ARRB1: variants seen among roughly 807,000 people sequenced by gnomAD.
The protein encoded by ARRB1 is beta-arrestin-1.
Under a neutral mutation model 56.8 loss-of-function variants are expected in ARRB1, and 21 were observed. That is an observed-to-expected ratio of 0.37 (90% confidence interval 0.26 to 0.53). ARRB1 has a LOEUF of 0.53. Ranked by LOEUF, ARRB1 falls within the 20% of genes least tolerant of loss-of-function variation. The probability of loss-of-function intolerance (pLI) is 0.88; values close to 1 mark genes in which losing one functional copy is unlikely to be tolerated. For synonymous variants in ARRB1, 210 were observed against 218.6 expected (o/e 0.96, Z 0.35); for missense variants, 424 against 553.7 (o/e 0.77, Z 2.35).
At chr11:75,309,082 C>A (rs1034834527) in intron 1 of ARRB1, among the ~76,000 whole-genome samples, 1 of 152,380 alleles carries the variant, frequency 6.6e-6, no homozygotes, top group Non-Finnish European at 1.5e-5. Context: ...GCCCGCCTGG[C>A]GGCCCCAAAG....
chr11:75,276,280 C>T (rs1946199494), intron 10 of ARRB1, among the ~76,000 whole-genome samples: 2 of 152,172 alleles, frequency 1.3e-5, no homozygotes, highest in African/African-American at 4.8e-5. Context: ...AGATGTTTCA[C>T]TTCAGATCTC....
In ARRB1 at chr11:75,292,396, C is replaced by T. The variant is rs112578054; in HGVS notation, c.21-2357G>A. Among the ~76,000 whole-genome samples the T allele has an allele frequency of 9.4e-4, 143 of 152,308 alleles. 2 individuals are homozygous for T. Among genetic ancestry groups the T allele is most frequent in the African/African-American group, 3.4e-3 (140 of 41,576 alleles). On this transcript the variant is annotated intron_variant, in intron 1 of 15. Transcript: ENST00000420843. ...CTCAAGTGATCCTCCCACCTCCAGC[C>T]TCCCAAAGTGCTGGGATTACAGGCG...
At chr11:75,350,007 G>C (rs1364694003) in intron 1 of ARRB1, among the ~76,000 whole-genome samples, 1 of 152,240 alleles carries the variant, frequency 6.6e-6, no homozygotes, top group Non-Finnish European at 1.5e-5. Flanking sequence ...TAGCCCTCTG[G>C]TTCCTCTGCT....
At chr11:75,350,640 A>G (rs1947834365) in intron 1 of ARRB1, among the ~76,000 whole-genome samples, 1 of 152,230 alleles carries the variant, frequency 6.6e-6, no homozygotes, top group African/African-American at 2.4e-5. Flanking sequence ...ATTTCAGGAC[A>G]GGTTCTAGGA....
chr11:75,346,676 T>C (rs1462169135), intron 1 of ARRB1, among the ~76,000 whole-genome samples: 1 of 152,158 alleles, frequency 6.6e-6, no homozygotes, highest in Non-Finnish European at 1.5e-5. Flanking sequence ...TGTCCCTGCT[T>C]CTTTGGCTCC....
In ARRB1 at chr11:75,261,546, A is replaced by T. The variant is rs1591874208; in HGVS notation, c.*4617T>A. The T allele has an allele frequency of 6.6e-6, 1 of 152,218 alleles. No individual in the cohort carries two copies. Among genetic ancestry groups the T allele is most frequent in the African/African-American group, 2.4e-5 (1 of 41,432 alleles). The allele number at this position is 152,218 out of a possible 1,614,324, so 9.4% of individuals were successfully genotyped here. ...TGTGGAATATCAGGGGTTCCGCAGC[A>T]CCTGGTTTGAAAACCACTGTGTCAG... On this transcript the variant is annotated 3_prime_UTR_variant, in exon 16 of 16. Transcript: ENST00000420843.
chr11:75,329,088 C>CTTT (rs770989128), intron 1 of ARRB1, among the ~76,000 whole-genome samples: 3 of 103,656 alleles, frequency 2.9e-5, no homozygotes, highest in African/African-American at 7.5e-5. Context: ...TGCTGTGTAA[C>CTTT]TTTTTTTTTT....
chr11:75,319,409 C>T (rs1243928879), intron 1 of ARRB1, among the ~76,000 whole-genome samples: 2 of 152,220 alleles, frequency 1.3e-5, no homozygotes, highest in Non-Finnish European at 2.9e-5. Context: ...GTTCCTCACA[C>T]ATGTCCTAAG....
rs1224386686 is a variant in ARRB1, at chr11:75,261,645, GGGGA to G, written c.*4514_*4517del. Reference sequence around the variant, plus strand: ...GGGGTGACGAGTTGGAGTGTGATGGGGGGAGGATGTTTCCCCTTCAACAGGGCGT... The same window carrying G: ...GGGGTGACGAGTTGGAGTGTGATGGGGGATGTTTCCCCTTCAACAGGGCGT... On this transcript the variant is annotated 3_prime_UTR_variant, in exon 16 of 16. Coordinates refer to ENST00000420843, the MANE Select transcript of ARRB1 (RefSeq NM_004041.5). The G allele has an allele frequency of 3.9e-5, 6 of 152,346 alleles. No homozygotes were observed. The highest frequency in any genetic ancestry group is 2.0e-4 in the Admixed American group (3 of 15,296). 9.4% of individuals were successfully genotyped at this position (152,346 alleles called of 1,614,324 possible).
intron 3 of ARRB1, 107 bp from the exon 4 acceptor site, chr11:75,284,386 T>C: frequency 8.4e-7 from 1 of 1,185,730 alleles, no homozygotes; most frequent in South Asian, 1.9e-5. Context: ...TCATCTAAAA[T>C]CATCCTGAGA....
intron 15 of ARRB1, 33 bp from the exon 16 acceptor site, chr11:75,266,307 T>C (rs1945910841): frequency 1.3e-6 from 2 of 1,574,364 alleles, no homozygotes; most frequent in South Asian, 1.1e-5. Flanking sequence ...TGTGGTGTGT[T>C]TGCAGGGGCA....
At chr11:75,283,512 G>T in intron 4 of ARRB1, 29 bp from the exon 5 acceptor site, 1 of 1,565,912 alleles carries the variant, frequency 6.4e-7, no homozygotes, top group Non-Finnish European at 8.7e-7. Context: ...ACTGAGGAGG[G>T]GCCTGGGAGA....
intron 1 of ARRB1, among the ~76,000 whole-genome samples, chr11:75,304,732 C>G (rs1024913857): frequency 6.6e-6 from 1 of 151,526 alleles, no homozygotes; most frequent in Non-Finnish European, 1.5e-5. Flanking sequence ...CCAAACCCCC[C>G]GCAAAGGATC....
intron 1 of ARRB1, among the ~76,000 whole-genome samples, chr11:75,335,465 G>A (rs367924426): frequency 6.6e-6 from 1 of 152,048 alleles, no homozygotes; most frequent in East Asian, 1.9e-4. Flanking sequence ...AACACCTGTG[G>A]TCCCAGCTAC....
In ARRB1 at chr11:75,325,856, C is replaced by T. The variant is rs557653980; in HGVS notation, c.20+25732G>A. Among the ~76,000 whole-genome samples, 12 of 152,328 alleles carry T rather than the reference C, an allele frequency of 7.9e-5. No individual in the cohort carries two copies. The East Asian group carries it at 2.3e-3, about 29-fold the overall frequency. On this transcript the variant is annotated intron_variant, in intron 1 of 15. Coordinates refer to ENST00000420843, the MANE Select transcript of ARRB1 (RefSeq NM_004041.5). ...AGGGACCTCTGAGATCCCTTCTGGA[C>T]CTCACGCCCAGGGCTCTCTGGTCTG...
At position 75,263,011 on chromosome 11, in the gene ARRB1, C is replaced by G. The variant is rs146375593; in HGVS notation, c.*3152G>C. On this transcript the variant is annotated 3_prime_UTR_variant, in exon 16 of 16. Coordinates refer to ENST00000420843, the MANE Select transcript of ARRB1 (RefSeq NM_004041.5). ...TCTGCTCGGTGGGTTTTCACCGGGG[C>G]ATGCTTTTCCTTCCTGCCCGGACCG... 6.6e-6 allele frequency among the ~76,000 whole-genome samples: 1 copy of G among 152,314 alleles called. No individual in the cohort carries two copies. Among genetic ancestry groups the G allele is most frequent in the East Asian group, 1.9e-4 (1 of 5,178 alleles).
At chr11:75,291,511 T>C (rs971032538) in intron 1 of ARRB1, among the ~76,000 whole-genome samples, 4 of 152,050 alleles carry the variant, frequency 2.6e-5, no homozygotes. Flanking sequence ...AGGAATCAGG[T>C]TGAGATGTAG....
chr11:75,314,556 G>A (rs1947228617), intron 1 of ARRB1, among the ~76,000 whole-genome samples: 1 of 152,148 alleles, frequency 6.6e-6, no homozygotes, highest in Non-Finnish European at 1.5e-5. Context: ...TTTGGGATCT[G>A]CCACTCACTA....
chr11:75,272,058 G>T (rs1158198215), intron 12 of ARRB1, among the ~76,000 whole-genome samples: 3 of 152,168 alleles, frequency 2.0e-5, no homozygotes, highest in Non-Finnish European at 2.9e-5. Context: ...AGGACTCCGG[G>T]GTTGCCAAGA....
Sources: allele counts gnomAD v4.1 joint callset (sites outside exome capture counted in the v4.1 genomes callset), GRCh38; gene constraint gnomAD v4.1.1; transcripts MANE v1.5; gene names NCBI Gene and HGNC (gene_info 2026-07-23, HGNC 2026-07-21).